The following ITM2C variants were observed in gnomAD, a reference collection of about 807,000 sequenced individuals.
ITM2C encodes the protein integral membrane protein 2C.
ITM2C carries 20 observed loss-of-function variants against 30.0 expected under a neutral mutation model. That is an observed-to-expected ratio of 0.67 (90% CI 0.47 to 0.97). The LOEUF (loss-of-function observed/expected upper bound fraction) is 0.97. ITM2C is among the 50% of genes least tolerant of loss of function. The pLI, the probability that ITM2C is intolerant of heterozygous loss-of-function variation, is 0.00. For synonymous variants in ITM2C, 167 were observed against 156.4 expected, an observed-to-expected ratio of 1.07 and a Z score of -0.51; for missense variants, 366 against 371.9, an observed-to-expected ratio of 0.98 and a Z score of 0.13.
chr2:230,877,291 G>A lies in ITM2C; in HGVS notation c.562-109G>A. On this transcript the variant is annotated intron_variant, in intron 4 of 5. Transcript: ENST00000326427. The surrounding 1 kb of genome is among the most constrained non-coding windows in gnomAD (Gnocchi z 4.8). ...CAGGAAGTGCCTGAGGACATCAGAA[G>A]GGCCAGCCCAGGGGCCTCTGGAGGA... is the stretch of plus-strand genomic sequence containing the variant. The A allele has an allele frequency of 8.7e-7, 1 of 1,144,272 alleles. No individual in the cohort carries two copies. The highest frequency in any genetic ancestry group is 1.5e-5 in the South Asian group (1 of 68,794). 70.9% of individuals were successfully genotyped at this position (1,144,272 alleles called of 1,614,324 possible). A position where few individuals can be genotyped will look rare whatever the true frequency, so the allele number is the denominator to read the frequency against.
In ITM2C at chr2:230,877,914, C is replaced by G; in HGVS notation, c.713-94C>G. 1 of 981,380 alleles carries G rather than the reference C, an allele frequency of 1.0e-6. No homozygotes were observed. The highest frequency in any genetic ancestry group is 2.5e-5 in the East Asian group (1 of 40,788). The allele number at this position is 981,380 out of a possible 1,614,324, so 60.8% of individuals were successfully genotyped here. Reference sequence around the variant, plus strand: ...GGGTGAATCTGGGTGAATGGTGTCACTTCCTGGCCCTCCTGTGGCTCAGGC... The same window carrying G: ...GGGTGAATCTGGGTGAATGGTGTCAGTTCCTGGCCCTCCTGTGGCTCAGGC... On this transcript the variant is annotated intron_variant, in intron 5 of 5. Coordinates refer to ENST00000326427, the MANE Select transcript of ITM2C (RefSeq NM_030926.6). The surrounding 1 kb of genome is among the most constrained non-coding windows in gnomAD (Gnocchi z 4.8).
Position 230,877,361 on chromosome 2 carries a change from G to A in ITM2C, c.562-39G>A. On this transcript the variant is annotated intron_variant, in intron 4 of 5. Coordinates refer to ENST00000326427, the MANE Select transcript of ITM2C (RefSeq NM_030926.6). The surrounding 1 kb of genome is among the most constrained non-coding windows in gnomAD (Gnocchi z 4.8). ...CGGGCGAGGGGTTGGACGAAAGCCT[G>A]AGGGGCCGACTCACTGTGGCGGCCA... The A allele has an allele frequency of 2.5e-6, 4 of 1,607,620 alleles. No homozygotes were observed. Among genetic ancestry groups the A allele is most frequent in the South Asian group, 1.1e-5 (1 of 90,690 alleles).
Position 230,875,803 on chromosome 2 carries a change from C to T in ITM2C, c.445C>T (p.Gln149Ter). 1.3e-6 allele frequency: 2 copies of T among 1,535,266 alleles called. 1 individual carries two copies. Among genetic ancestry groups the T allele is most frequent in the South Asian group, 2.4e-5 (2 of 83,080 alleles). Residue 149 changes from glutamine (Q) to a stop codon, truncating the protein, a stop_gained, in exon 3 of 6, where the codon CAG becomes TAG. Transcript: ENST00000326427. LOFTEE classifies it high-confidence loss of function. ...GDPADIIHDFQRGLTAYHDIS... is the reference protein window; with the variant it reads ...GDPADIIHDF ...CCCTGCAGACATCATCCATGACTTC[C>T]AGCGGGTGAGGCTGGCCAGGGCCTG... is the stretch of plus-strand genomic sequence containing the variant.
At position 230,876,981 on chromosome 2, in the gene ITM2C, TG is replaced by T. The variant is rs1284702237; in HGVS notation, c.561+20del. Reference sequence around the variant, plus strand: ...ATGAACGTGAAGGTGCGCAGGGGGTTGGGGGGATGTCTGCAGCATCCTGTCC... The same window carrying T: ...ATGAACGTGAAGGTGCGCAGGGGGTTGGGGGATGTCTGCAGCATCCTGTCC... On this transcript the variant is annotated intron_variant, in intron 4 of 5. Coordinates refer to ENST00000326427, the MANE Select transcript of ITM2C (RefSeq NM_030926.6). 4 of 1,550,030 alleles carry T rather than the reference TG, an allele frequency of 2.6e-6. No homozygotes were observed. The highest frequency in any genetic ancestry group is 1.4e-5 in the African/African-American group (1 of 73,678).
rs1020978077 is a variant in ITM2C, at chr2:230,865,925, T to A, written c.120+780T>A. The A allele has an allele frequency of 6.7e-6, 1 of 149,176 alleles. No individual in the cohort carries two copies. The highest frequency in any genetic ancestry group is 1.5e-5 in the Non-Finnish European group (1 of 67,566). 9.2% of individuals were successfully genotyped at this position (149,176 alleles called of 1,614,324 possible). ...AGGGCTCCCAACTGCCCCAGTGCCCTTGCATCCTGGGTCCCCGGGCTCTGT... is the reference window on the plus strand; with the variant it reads ...AGGGCTCCCAACTGCCCCAGTGCCCATGCATCCTGGGTCCCCGGGCTCTGT... On this transcript the variant is annotated intron_variant, in intron 1 of 5. Transcript: ENST00000326427. This position sits in a 1 kb window ranked among gnomAD's most constrained non-coding sequence, Gnocchi z 6.8.
intron 1 of ITM2C, among the ~76,000 whole-genome samples, chr2:230,867,999 GGTGAACAGATGATTGTGC>G (rs1697071089): frequency 2.3e-5 from 1 of 43,450 alleles, no homozygotes; most frequent in Admixed American, 3.8e-4. Flanking sequence ...AGGAGCACTC[GGTGAACAGATGATTGTGC>G]GGTGAACAGA....
rs1697007335 is a variant in ITM2C, at chr2:230,865,597, T to G, written c.120+452T>G. 2.3e-5 allele frequency: 2 copies of G among 86,468 alleles called. No homozygotes were observed. Among genetic ancestry groups the G allele is most frequent in the Non-Finnish European group, 4.5e-5 (2 of 44,818 alleles). The allele number at this position is 86,468 out of a possible 1,614,324, so 5.4% of individuals were successfully genotyped here. ...TCCAAAGTAGGGCGGTGGGACCTGATTGGCTGGGGAATTGGGGGTGGGGGG... is the reference window on the plus strand; with the variant it reads ...TCCAAAGTAGGGCGGTGGGACCTGAGTGGCTGGGGAATTGGGGGTGGGGGG... On this transcript the variant is annotated intron_variant, in intron 1 of 5. Coordinates refer to ENST00000326427, the MANE Select transcript of ITM2C (RefSeq NM_030926.6). The surrounding 1 kb of genome is among the most constrained non-coding windows in gnomAD (Gnocchi z 6.8).
In ITM2C at chr2:230,865,264, C is replaced by A; in HGVS notation, c.120+119C>A. Reference sequence around the variant, plus strand: ...CAGGGCCCCAGAGCCCGGGGTGGAGCAGGGTTGGGAAGTCTCGAATGGTTG... The same window carrying A: ...CAGGGCCCCAGAGCCCGGGGTGGAGAAGGGTTGGGAAGTCTCGAATGGTTG... On this transcript the variant is annotated intron_variant, in intron 1 of 5. Coordinates refer to ENST00000326427, the MANE Select transcript of ITM2C (RefSeq NM_030926.6). The surrounding 1 kb of genome is among the most constrained non-coding windows in gnomAD (Gnocchi z 6.8). 1.8e-6 allele frequency: 2 copies of A among 1,118,838 alleles called. No individual in the cohort carries two copies. The highest frequency in any genetic ancestry group is 2.3e-6 in the Non-Finnish European group (2 of 865,844). 69.3% of individuals were successfully genotyped at this position (1,118,838 alleles called of 1,614,324 possible). A position where few individuals can be genotyped will look rare whatever the true frequency, so the allele number is the denominator to read the frequency against.
chr2:230,873,073 C>G (rs1697204443), intron 1 of ITM2C, among the ~76,000 whole-genome samples: 1 of 152,068 alleles, frequency 6.6e-6, no homozygotes, highest in Admixed American at 6.6e-5. Context: ...AAGAATATAC[C>G]ACGGTCACGG....
intron 3 of ITM2C, 95 bp from the exon 4 acceptor site, chr2:230,876,762 G>A (rs1697308037): frequency 2.6e-6 from 2 of 773,512 alleles, no homozygotes; most frequent in Admixed American, 1.9e-5. Flanking sequence ...TTACAGGCAT[G>A]AGCCACCGCG....
intron 1 of ITM2C, among the ~76,000 whole-genome samples, chr2:230,868,961 C>A (rs1001682952): frequency 6.6e-6 from 1 of 152,272 alleles, no homozygotes; most frequent in Non-Finnish European, 1.5e-5. Flanking sequence ...TGCTTTCCTG[C>A]CGCTTCTCTC....
At chr2:230,874,886 C>G (rs1697252134) in intron 2 of ITM2C, among the ~76,000 whole-genome samples, 1 of 152,194 alleles carries the variant, frequency 6.6e-6, no homozygotes, top group African/African-American at 2.4e-5. Flanking sequence ...GATGGAGTGA[C>G]TGGACTGGCC....
rs1332329531 is a variant in ITM2C, at chr2:230,877,682, G to A, written c.712+132G>A. ...CAGCTAGCATTAGCAGAGCACTTCC[G>A]TGTGCCGGGCAATGCTGTGTGCTCT... On this transcript the variant is annotated intron_variant, in intron 5 of 5. Coordinates refer to ENST00000326427, the MANE Select transcript of ITM2C (RefSeq NM_030926.6). This position sits in a 1 kb window ranked among gnomAD's most constrained non-coding sequence, Gnocchi z 4.8. 3.0e-5 allele frequency: 28 copies of A among 937,326 alleles called. No individual in the cohort carries two copies. In the Admixed American group the frequency reaches 4.8e-4, roughly 16 times the overall value. 58.1% of individuals were successfully genotyped at this position (937,326 alleles called of 1,614,324 possible).
At chr2:230,875,493 G>A in intron 2 of ITM2C, 127 bp from the exon 3 acceptor site, 1 of 791,630 alleles carries the variant, frequency 1.3e-6, no homozygotes, top group Non-Finnish European at 2.0e-6. Context: ...GGGTCTCACA[G>A]TCCCTGCTCT....
chr2:230,870,495 A>T (rs767987123), intron 1 of ITM2C, among the ~76,000 whole-genome samples: 7 of 152,216 alleles, frequency 4.6e-5, no homozygotes, highest in Non-Finnish European at 8.8e-5. Flanking sequence ...GGACATCAGC[A>T]GGGCCATGAG....
At chr2:230,872,776 C>T (rs1217891692) in intron 1 of ITM2C, among the ~76,000 whole-genome samples, 1 of 152,160 alleles carries the variant, frequency 6.6e-6, no homozygotes, top group Non-Finnish European at 1.5e-5. Flanking sequence ...ATGCCCAGAC[C>T]CCATGGGGCT....
At position 230,873,418 on chromosome 2, in the gene ITM2C, A is replaced by C; in HGVS notation, c.122A>C (p.Glu41Ala). 2 of 1,572,346 alleles carry C rather than the reference A, an allele frequency of 1.3e-6. No individual in the cohort carries two copies. The highest frequency in any genetic ancestry group is 1.7e-6 in the Non-Finnish European group (2 of 1,159,486). Residue 41 changes from glutamate to alanine, a missense_variant and splice_region_variant, in exon 2 of 6, where the codon GAG (glutamate) becomes GCG (alanine). Glu to Ala is a moderately radical substitution (Grantham distance 107). Coordinates refer to ENST00000326427, the MANE Select transcript of ITM2C (RefSeq NM_030926.6). ...CTGACCCAGCATTGCTATCCACAGGAGGAGCAGCCCCCACAACATCGATCC... is the reference window on the plus strand; with the variant it reads ...CTGACCCAGCATTGCTATCCACAGGCGGAGCAGCCCCCACAACATCGATCC... ...ATEILLTPAR[E>A]EQPPQHRSKR...
At position 230,878,088 on chromosome 2, in the gene ITM2C, G is replaced by A. The variant is rs201497546; in HGVS notation, c.793G>A (p.Gly265Arg). The A allele has an allele frequency of 6.3e-6, 10 of 1,591,374 alleles. No individual in the cohort carries two copies. Among genetic ancestry groups the A allele is most frequent in the South Asian group, 3.4e-5 (3 of 87,802 alleles). Residue 265 changes from glycine to arginine, a missense_variant, in exon 6 of 6, where the codon GGG (glycine) becomes AGG (arginine). By Grantham distance (125) the Gly-to-Arg change is moderately radical (BLOSUM62 -2). Coordinates refer to ENST00000326427, the MANE Select transcript of ITM2C (RefSeq NM_030926.6). This position sits in a 1 kb window ranked among gnomAD's most constrained non-coding sequence, Gnocchi z 4.5. ...CTTCGTGGTGGAGACGCTCATCTGC[G>A]GGGTGGTGTGAGGCCCTCCTCCCCC... ...NTFVVETLICGVV is the reference protein window; with the variant it reads ...NTFVVETLICRVV
Position 230,873,525 on chromosome 2 carries a change from G to C in ITM2C, c.229G>C (p.Val77Leu), listed in dbSNP as rs753962590. 1 of 1,610,170 alleles carries C rather than the reference G, an allele frequency of 6.2e-7. No homozygotes were observed. The highest frequency in any genetic ancestry group is 2.2e-5 in the East Asian group (1 of 44,616). The change falls in exon 2 of 6, where the codon GTC becomes CTC. Residue 77 changes from valine (V) to leucine (L), a missense_variant. Val to Leu is a conservative substitution (Grantham distance 32). Coordinates refer to ENST00000326427, the MANE Select transcript of ITM2C (RefSeq NM_030926.6). ...GCTCATGGGCCTCGTGTTCGCCTCT[G>C]TCTACATCTACAGATACTTCTTCCT... ...VLLMGLVFAS[V>L]YIYRYFFLAQ...
Sources: allele counts gnomAD v4.1 joint callset (sites outside exome capture counted in the v4.1 genomes callset), GRCh38; gene constraint gnomAD v4.1.1; non-coding constraint Gnocchi (gnomAD v3.1); transcripts MANE v1.5; gene names NCBI Gene and HGNC (gene_info 2026-07-23, HGNC 2026-07-21).